Variants in ZFP1 observed in about 807,000 individuals in gnomAD.
The protein encoded by ZFP1 is ZFP1 zinc finger protein, also known as zinc finger protein 1 homolog.
ZFP1 carries 32 observed loss-of-function variants against 38.5 expected under a neutral mutation model. That is an observed-to-expected ratio of 0.83 (90% CI 0.63 to 1.12). The LOEUF is 1.12. Ranked by LOEUF, ZFP1 falls within the 50% of genes most tolerant of loss-of-function variation. The pLI, the probability that ZFP1 is intolerant of heterozygous loss-of-function variation, is 0.00. For missense variants in ZFP1, 616 were observed against 480.8 expected (o/e 1.28, Z -2.63); for synonymous variants, 245 against 168.8 (o/e 1.45, Z -3.50).
the ZFP1 span, among the ~76,000 whole-genome samples, chr16:75,137,111 A>G: frequency 1.3e-5 from 2 of 152,094 alleles, no homozygotes; most frequent in African/African-American, 4.8e-5. Flanking sequence ...GGAAGGAAAT[A>G]TATGAGATGG....
the ZFP1 span, among the ~76,000 whole-genome samples, chr16:75,120,517 G>A: frequency 6.6e-6 from 1 of 151,088 alleles, no homozygotes; most frequent in East Asian, 1.9e-4. Context: ...TTTTTTTTTG[G>A]GTTTTTTTTT....
At chr16:75,146,477 G>A (rs1234225255), upstream of ZFP1, among the ~76,000 whole-genome samples, 2 of 151,568 alleles carry the variant, frequency 1.3e-5, no homozygotes, top group Non-Finnish European at 2.9e-5. Flanking sequence ...GCAACCATAC[G>A]ATTTACCCAA....
At chr16:75,121,887 C>T in the ZFP1 span, among the ~76,000 whole-genome samples, 2 of 152,070 alleles carry the variant, frequency 1.3e-5, no homozygotes, top group African/African-American at 2.4e-5. Context: ...TGAAGAATTG[C>T]CAGCATACAT....
chr16:75,142,143 G>A, the ZFP1 span, among the ~76,000 whole-genome samples: 1 of 149,698 alleles, frequency 6.7e-6, no homozygotes, highest in African/African-American at 2.5e-5. Flanking sequence ...AGACCACAAG[G>A]TCAAGAGATC....
At chr16:75,165,658 A>G (rs1156249091) in intron 2 of ZFP1, among the ~76,000 whole-genome samples, 1 of 151,742 alleles carries the variant, frequency 6.6e-6, no homozygotes, top group African/African-American at 2.4e-5. Context: ...AAGTGCTGGG[A>G]TTACAGGCCT....
intron 1 of ZFP1, among the ~76,000 whole-genome samples, chr16:75,150,187 A>C (rs549688804): frequency 7.8e-4 from 113 of 144,220 alleles, no homozygotes; most frequent in African/African-American, 2.8e-3. Flanking sequence ...ATAATTTCCA[A>C]GTTTTTGGAG....
the ZFP1 span, among the ~76,000 whole-genome samples, chr16:75,132,058 T>G: frequency 6.6e-6 from 1 of 152,166 alleles, no homozygotes; most frequent in Non-Finnish European, 1.5e-5. Flanking sequence ...ATCTGCAAGT[T>G]TCCCCCTTCC....
chr16:75,162,363 A>C (rs1364603132), intron 2 of ZFP1, among the ~76,000 whole-genome samples: 1 of 151,702 alleles, frequency 6.6e-6, no homozygotes, highest in Non-Finnish European at 1.5e-5. Context: ...ACCTTAAGTG[A>C]TCCACCTGCC....
At chr16:75,160,280 C>T (rs1185928145) in intron 2 of ZFP1, among the ~76,000 whole-genome samples, 1 of 152,166 alleles carries the variant, frequency 6.6e-6, no homozygotes, top group African/African-American at 2.4e-5. Context: ...TGCCTGTAAT[C>T]TCAGCACTTT....
Position 75,170,174 on chromosome 16 carries a change from C to T in ZFP1, c.1064C>T (p.Thr355Ile), listed in dbSNP as rs116441509. 13 of 1,614,040 alleles carry T rather than the reference C, an allele frequency of 8.1e-6. No individual in the cohort carries two copies. The highest frequency in any genetic ancestry group is 9.3e-6 in the Non-Finnish European group (11 of 1,180,036). The change falls in exon 4 of 4, where the codon ACT (threonine) becomes ATT (isoleucine). Residue 355 changes from threonine to isoleucine, a missense_variant. Transcript: ENST00000570010. ...THTGEKPYEC[T>I]ECGKTFSQRS... ...ACAGGAGAGAAACCCTATGAATGTA[C>T]TGAGTGCGGCAAAACTTTCAGCCAG... is the stretch of plus-strand genomic sequence containing the variant.
At chr16:75,141,426 C>G in the ZFP1 span, among the ~76,000 whole-genome samples, 2 of 151,712 alleles carry the variant, frequency 1.3e-5, no homozygotes, top group Admixed American at 6.6e-5. Flanking sequence ...AGGATGGTCT[C>G]GATCTCCTGA....
the ZFP1 span, among the ~76,000 whole-genome samples, chr16:75,125,770 C>T: frequency 2.6e-5 from 4 of 151,198 alleles, no homozygotes; most frequent in African/African-American, 9.7e-5. Flanking sequence ...AGGCCGGGTG[C>T]GGTGGCTCAT....
intron 2 of ZFP1, among the ~76,000 whole-genome samples, chr16:75,155,618 A>T (rs1276505290): frequency 6.6e-6 from 1 of 152,212 alleles, no homozygotes; most frequent in Non-Finnish European, 1.5e-5. Context: ...ATATATATGC[A>T]TTAAAGAATA....
the ZFP1 span, among the ~76,000 whole-genome samples, chr16:75,122,730 T>C: frequency 6.6e-6 from 1 of 152,262 alleles, no homozygotes; most frequent in East Asian, 1.9e-4. Flanking sequence ...GTGTTTGTTT[T>C]GGAAAAGCAC....
chr16:75,146,092 C>T (rs1448205504), upstream of ZFP1, among the ~76,000 whole-genome samples: 1 of 152,166 alleles, frequency 6.6e-6, no homozygotes, highest in Non-Finnish European at 1.5e-5. Flanking sequence ...CGACAAGTCC[C>T]GCGAAGGGGT....
At chr16:75,166,513 G>A in intron 2 of ZFP1, 3 of 984,476 alleles carry the variant, frequency 3.0e-6, no homozygotes, top group Non-Finnish European at 3.6e-6. Flanking sequence ...ACAGGTGTGA[G>A]CCACTATGCC....
At chr16:75,165,631 C>T (rs917080869) in intron 2 of ZFP1, among the ~76,000 whole-genome samples, 4 of 152,130 alleles carry the variant, frequency 2.6e-5, no homozygotes, top group Non-Finnish European at 4.4e-5. Flanking sequence ...CTGTGATCCG[C>T]CCACCTCGGC....
chr16:75,126,813 T>C, the ZFP1 span, among the ~76,000 whole-genome samples: 1 of 152,254 alleles, frequency 6.6e-6, no homozygotes, highest in Non-Finnish European at 1.5e-5. Flanking sequence ...ATTATGTTTT[T>C]TTCTGACCTA....
intron 2 of ZFP1, among the ~76,000 whole-genome samples, chr16:75,163,720 T>C (rs778459320): frequency 6.6e-6 from 1 of 151,640 alleles, no homozygotes; most frequent in Non-Finnish European, 1.5e-5. Context: ...CAAGCTGTCC[T>C]CCTACCTGAA....
Sources: allele counts gnomAD v4.1 joint callset (sites outside exome capture counted in the v4.1 genomes callset), GRCh38; gene constraint gnomAD v4.1.1; transcripts MANE v1.5; gene names NCBI Gene and HGNC (gene_info 2026-07-23, HGNC 2026-07-21).